CHN2: variants seen among roughly 807,000 people sequenced by gnomAD.
CHN2 encodes chimerin 2.
A neutral mutation model predicts 56.3 loss-of-function variants in CHN2; 35 were observed. That is an observed-to-expected ratio of 0.62 (90% CI 0.47 to 0.82). CHN2 has a LOEUF of 0.82. Ranked by LOEUF, CHN2 falls within the 40% of genes least tolerant of loss-of-function variation. CHN2 has a pLI of 0.00. For missense variants in CHN2, 491 were observed against 580.5 expected (o/e 0.85, Z 1.58); for synonymous variants, 210 against 212.8 (o/e 0.99, Z 0.12).
intron 1 of CHN2, among the ~76,000 whole-genome samples, chr7:29,322,598 A>G (rs1287285186): frequency 1.3e-5 from 2 of 152,242 alleles, no homozygotes; most frequent in Non-Finnish European, 2.9e-5. Context: ...ATGTCAACAT[A>G]TCATTACACT....
At chr7:29,203,336 G>A (rs973199970) in intron 1 of CHN2, among the ~76,000 whole-genome samples, 2 of 151,670 alleles carry the variant, frequency 1.3e-5, no homozygotes, top group East Asian at 3.9e-4. Flanking sequence ...GCATGGTGGC[G>A]CATACCTGTA....
chr7:29,335,090 A>G (rs1304361790), intron 1 of CHN2, among the ~76,000 whole-genome samples: 2 of 152,208 alleles, frequency 1.3e-5, no homozygotes, highest in Non-Finnish European at 2.9e-5. Context: ...ATCTAAAATC[A>G]TCAGTAAACA....
chr7:29,171,014 G>A (rs916580009), intron 2 of CHN2, among the ~76,000 whole-genome samples: 11 of 152,162 alleles, frequency 7.2e-5, no homozygotes, highest in Non-Finnish European at 8.8e-5. Context: ...GATGAGATTA[G>A]TGTGGGGACA....
chr7:29,244,807 T>C (rs961556905), intron 1 of CHN2, among the ~76,000 whole-genome samples: 2 of 152,210 alleles, frequency 1.3e-5, no homozygotes, highest in African/African-American at 4.8e-5. Context: ...CCTGGTCTTT[T>C]AAGGAGGCGT....
intron 3 of CHN2, among the ~76,000 whole-genome samples, chr7:29,386,641 C>T (rs1474584868): frequency 6.6e-6 from 1 of 152,170 alleles, no homozygotes; most frequent in Non-Finnish European, 1.5e-5. Flanking sequence ...CTGTCTCTCA[C>T]TGTGCAGCTG....
chr7:29,298,678 A>G (rs1793393927), intron 1 of CHN2, among the ~76,000 whole-genome samples: 1 of 152,234 alleles, frequency 6.6e-6, no homozygotes, highest in Non-Finnish European at 1.5e-5. Context: ...ATATCGATCC[A>G]GGTTTTTAAA....
At position 29,188,948 on chromosome 7, in the gene CHN2, C is replaced by CTTTTTT. The variant is rs11376135; in HGVS notation, c.274+42001_274+42006dup. On this transcript the variant is annotated intron_variant, in intron 2 of 6. Coordinates refer to the CHN2 transcript ENST00000439384. Reference sequence around the variant, plus strand: ...AGCAAGGATATAGTTTTCCTCATACCTTTTTTTTTTTTTTTTTTGAGACAG... The same window carrying CTTTTTT: ...AGCAAGGATATAGTTTTCCTCATACCTTTTTTTTTTTTTTTTTTTTTTTTGAGACAG... Among the ~76,000 whole-genome samples the CTTTTTT allele has an allele frequency of 3.5e-3, 455 of 129,934 alleles. 5 individuals carry two copies. The highest frequency in any genetic ancestry group is 0.013 in the African/African-American group (439 of 34,208). 85.2% of individuals were successfully genotyped at this position (129,934 alleles called of 152,430 possible).
chr7:29,471,260 G>A (rs1786000629), intron 6 of CHN2, among the ~76,000 whole-genome samples: 1 of 152,164 alleles, frequency 6.6e-6, no homozygotes, highest in Non-Finnish European at 1.5e-5. Flanking sequence ...AAACAAAAAA[G>A]CAAATAATAA....
At chr7:29,424,538 ACT>A (rs1280229567) in intron 6 of CHN2, among the ~76,000 whole-genome samples, 1 of 151,416 alleles carries the variant, frequency 6.6e-6, no homozygotes, top group Non-Finnish European at 1.5e-5. Context: ...ACAACTGTTG[ACT>A]CTCTAAATAG....
chr7:29,441,291 C>T (rs563885944), intron 6 of CHN2, among the ~76,000 whole-genome samples: 2 of 152,260 alleles, frequency 1.3e-5, no homozygotes, highest in South Asian at 4.1e-4. Flanking sequence ...TACCTCACAC[C>T]ATCTACATGA....
At chr7:29,211,269 G>T (rs1327667393) in intron 1 of CHN2, among the ~76,000 whole-genome samples, 2 of 151,282 alleles carry the variant, frequency 1.3e-5, no homozygotes, top group Admixed American at 1.3e-4. Context: ...TAGTAGAGAT[G>T]GGGTTTCACC....
intron 1 of CHN2, among the ~76,000 whole-genome samples, chr7:29,336,608 TA>T (rs1796631890): frequency 6.6e-6 from 1 of 151,690 alleles, no homozygotes; most frequent in Non-Finnish European, 1.5e-5. Flanking sequence ...AAAAAATTTT[TA>T]ATTAGCTAAG....
intron 7 of CHN2, among the ~76,000 whole-genome samples, chr7:29,487,147 T>C (rs991763622): frequency 6.6e-6 from 1 of 152,168 alleles, no homozygotes. Flanking sequence ...TGGCTGGATA[T>C]TGCACCTGCA....
upstream of CHN2, among the ~76,000 whole-genome samples, chr7:29,190,012 C>T (rs1472902005): frequency 1.3e-5 from 2 of 152,250 alleles, no homozygotes; most frequent in African/African-American, 4.8e-5. Context: ...CTACCTGCGG[C>T]GTCTGAGCTG....
intron 1 of CHN2, among the ~76,000 whole-genome samples, chr7:29,314,416 C>A (rs39118): frequency 0.9 from 136,553 of 152,242 alleles, 61,361 homozygotes; most frequent in East Asian, 1. Flanking sequence ...TTTAATTGGC[C>A]TTGTTGCAGT....
At chr7:29,350,684 C>T (rs1797810579) in intron 1 of CHN2, among the ~76,000 whole-genome samples, 1 of 152,148 alleles carries the variant, frequency 6.6e-6, no homozygotes, top group South Asian at 2.1e-4. Flanking sequence ...AGCACGGGCT[C>T]ACCTGGGAAG....
At chr7:29,282,272 T>A (rs1460025587) in intron 1 of CHN2, among the ~76,000 whole-genome samples, 2 of 152,212 alleles carry the variant, frequency 1.3e-5, no homozygotes, top group African/African-American at 4.8e-5. Flanking sequence ...AGATTGTGAT[T>A]GACACATCTC....
intron 1 of CHN2, among the ~76,000 whole-genome samples, chr7:29,227,214 G>A (rs1245519092): frequency 6.6e-6 from 1 of 152,204 alleles, no homozygotes; most frequent in African/African-American, 2.4e-5. Flanking sequence ...AGCTTATTGA[G>A]AAGATGTCTC....
intron 6 of CHN2, among the ~76,000 whole-genome samples, chr7:29,406,006 G>A (rs546205537): frequency 1.3e-5 from 2 of 152,188 alleles, no homozygotes; most frequent in African/African-American, 2.4e-5. Context: ...AGCCTGTCCC[G>A]AGTGGTTCTC....
Sources: allele counts gnomAD v4.1 joint callset (sites outside exome capture counted in the v4.1 genomes callset), GRCh38; gene constraint gnomAD v4.1.1; transcripts MANE v1.5; gene names NCBI Gene and HGNC (gene_info 2026-07-23, HGNC 2026-07-21).